CNTRL: variants seen among roughly 807,000 people sequenced by gnomAD.
The protein encoded by CNTRL is centriolin.
A neutral mutation model predicts 303.7 loss-of-function variants in CNTRL; 233 were observed. The observed-to-expected ratio is 0.77, with a 90% confidence interval of 0.69 to 0.86. The LOEUF is 0.86. Ranked by LOEUF, CNTRL falls within the 40% of genes least tolerant of loss-of-function variation. CNTRL has a pLI of 0.00. For synonymous variants in CNTRL, 900 were observed against 922.2 expected, an observed-to-expected ratio of 0.98 and a Z score of 0.44; for missense variants, 2,524 against 2,650.6, an observed-to-expected ratio of 0.95 and a Z score of 1.05.
intron 7 of CNTRL, among the ~76,000 whole-genome samples, chr9:121,106,460 T>A (rs2049478928): frequency 6.6e-6 from 1 of 150,562 alleles, no homozygotes; most frequent in South Asian, 2.1e-4. Flanking sequence ...TTGGTAGGAG[T>A]GACACTTTCT....
intron 16 of CNTRL, among the ~76,000 whole-genome samples, chr9:121,139,600 TCC>T (rs2051391900): frequency 6.6e-6 from 1 of 152,246 alleles, no homozygotes; most frequent in Admixed American, 6.5e-5. Context: ...ATACATGTTT[TCC>T]ATTACTATGT....
Position 121,145,962 on chromosome 9 carries a change from C to T in CNTRL, c.3311-146C>T, listed in dbSNP as rs2051826188. On this transcript the variant is annotated intron_variant, in intron 22 of 43. Transcript: ENST00000373855. ...TAAATAATGTTTACAAATCAGTTTG[C>T]CTTTTTTTGACTTACCAAAGGGCAG... 4.8e-6 allele frequency: 3 copies of T among 630,370 alleles called. No homozygotes were observed. In the South Asian group the frequency reaches 7.5e-5, roughly 16 times the overall value. 39.0% of individuals were successfully genotyped at this position (630,370 alleles called of 1,614,324 possible).
rs768193541 is a variant in CNTRL, at chr9:121,140,646, C to T, written c.2343C>T (p.Asp781=). The T allele has an allele frequency of 6.2e-7, 1 of 1,608,560 alleles. No individual in the cohort carries two copies. The highest frequency in any genetic ancestry group is 8.5e-7 in the Non-Finnish European group (1 of 1,176,756). The change falls in exon 17 of 44, where the codon GAC becomes GAT. Residue 781 remains aspartate (D), a synonymous_variant. Transcript: ENST00000373855. ...TATTTCATCCCCCTCCATAGGATGA[C>T]AATAATCTGTTAAAACAGCAACTTA... ...LHAKLKHLQD[D]NNLLKQQLKD...
chr9:121,116,880 G>A (rs1236507157), intron 11 of CNTRL, among the ~76,000 whole-genome samples: 1 of 152,178 alleles, frequency 6.6e-6, no homozygotes, highest in Non-Finnish European at 1.5e-5. Flanking sequence ...AGGACTTAAT[G>A]ATGGGTTGAA....
At position 121,090,293 on chromosome 9, in the gene CNTRL, G is replaced by T. The variant is rs779390776; in HGVS notation, c.236G>T (p.Gly79Val). ...QDHKGADSHA[G>V]VRYITEALIK... is the part of the protein sequence containing the mutation. Reference sequence around the variant, plus strand: ...ATTTCAGGAGCTGATTCACATGCAGGAGTTAGATATATTACAGAGGCCCTC... The same window carrying T: ...ATTTCAGGAGCTGATTCACATGCAGTAGTTAGATATATTACAGAGGCCCTC... Residue 79 changes from glycine to valine, a missense_variant, in exon 4 of 44, where the codon GGA becomes GTA. Coordinates refer to ENST00000373855, the MANE Select transcript of CNTRL (RefSeq NM_007018.6). The T allele has an allele frequency of 6.2e-7, 1 of 1,606,142 alleles. No homozygotes were observed. Among genetic ancestry groups the T allele is most frequent in the Non-Finnish European group, 8.5e-7 (1 of 1,176,872 alleles).
chr9:121,085,528 A>G (rs2048311694), intron 2 of CNTRL, among the ~76,000 whole-genome samples: 1 of 152,200 alleles, frequency 6.6e-6, no homozygotes, highest in Non-Finnish European at 1.5e-5. Flanking sequence ...TTCATGACCT[A>G]GACACCATGG....
intron 34 of CNTRL, 132 bp downstream of exon 34, chr9:121,162,403 C>T: frequency 2.7e-6 from 2 of 738,778 alleles, no homozygotes; most frequent in South Asian, 1.7e-5. Context: ...ATACATTTTG[C>T]CAGTTGCATT....
At chr9:121,127,819 G>A (rs921257769) in intron 14 of CNTRL, among the ~76,000 whole-genome samples, 5 of 108,488 alleles carry the variant, frequency 4.6e-5, no homozygotes, top group East Asian at 2.6e-4. Context: ...GACAGGCCCC[G>A]GTGTGTGATG....
rs3761851 is a variant in CNTRL at position 121,140,429 on chromosome 9, A to G, written c.2338-212A>G. Among the ~76,000 whole-genome samples the G allele has an allele frequency of 4.5e-4, 69 of 152,370 alleles. No individual in the cohort carries two copies. In the East Asian group the frequency reaches 0.012, roughly 27 times the overall value. ...CCAGATGGAACAGGCACTTGAAAAC[A>G]TGTTAATTGCATTCTAAATTCTTCA... On this transcript the variant is annotated intron_variant, in intron 16 of 43. Transcript: ENST00000373855.
At chr9:121,124,322 A>G (rs1449703893) in intron 13 of CNTRL, among the ~76,000 whole-genome samples, 1 of 152,230 alleles carries the variant, frequency 6.6e-6, no homozygotes, top group Non-Finnish European at 1.5e-5. Flanking sequence ...TCAGTAGGCC[A>G]GAAGTCAATA....
chr9:121,128,481 T>C (rs1382494803), intron 14 of CNTRL, among the ~76,000 whole-genome samples: 1 of 152,226 alleles, frequency 6.6e-6, no homozygotes, highest in African/African-American at 2.4e-5. Flanking sequence ...TGCCCCCTTT[T>C]TGATGGGGTT....
At chr9:121,134,769 T>C (rs925620495) in intron 14 of CNTRL, among the ~76,000 whole-genome samples, 8 of 152,236 alleles carry the variant, frequency 5.3e-5, no homozygotes, top group African/African-American at 1.9e-4. Flanking sequence ...CTATGTTCTA[T>C]GTAAAATAGT....
intron 25 of CNTRL, among the ~76,000 whole-genome samples, chr9:121,151,884 T>G (rs1441896281): frequency 2.0e-5 from 3 of 152,242 alleles, no homozygotes; most frequent in African/African-American, 7.2e-5. Flanking sequence ...TGTGTGCATT[T>G]ACAAGTTTAA....
At chr9:121,092,427 T>TATAGATAG (rs149719205) in intron 4 of CNTRL, among the ~76,000 whole-genome samples, 5 of 33,484 alleles carry the variant, frequency 1.5e-4, no homozygotes, top group East Asian at 1.1e-3. Context: ...CAGAGTGAGA[T>TATAGATAG]ATAGATAGAT....
Position 121,150,203 on chromosome 9 carries a change from G to A in CNTRL, c.3683G>A (p.Ser1228Asn). Residue 1228 changes from serine (S) to asparagine (N), a missense_variant, in exon 25 of 44, where the codon AGT becomes AAT. Ser to Asn is a conservative substitution (Grantham distance 46). Transcript: ENST00000373855. ...AGTGGAGGAGATAGTCAGGAAGAGA[G>A]TGAGCTGGATGACCAAGAAGAACCC... The part of the protein sequence containing the change: ...ADSGGDSQEE[S>N]ELDDQEEPPF... The A allele has an allele frequency of 6.2e-7, 1 of 1,613,762 alleles. No homozygotes were observed. Among genetic ancestry groups the A allele is most frequent in the East Asian group, 2.2e-5 (1 of 44,866 alleles).
intron 14 of CNTRL, among the ~76,000 whole-genome samples, chr9:121,134,665 C>G (rs181875723): frequency 6.6e-6 from 1 of 152,184 alleles, no homozygotes; most frequent in East Asian, 1.9e-4. Context: ...TGTGTGTGCA[C>G]ATGCGTGTGT....
At chr9:121,162,304 A>G (rs1239505551) in intron 34 of CNTRL, 33 bp downstream of exon 34, 3 of 1,564,754 alleles carry the variant, frequency 1.9e-6, no homozygotes, top group African/African-American at 2.7e-5. Flanking sequence ...TTGCAGGATC[A>G]CTTCTTCAGG....
intron 9 of CNTRL, 44 bp downstream of exon 9, chr9:121,112,622 A>G (rs1344020221): frequency 2.5e-6 from 4 of 1,587,312 alleles, no homozygotes; most frequent in Admixed American, 3.3e-5. Flanking sequence ...TAAAGCCCAC[A>G]TGGGATGGAA....
intron 14 of CNTRL, among the ~76,000 whole-genome samples, chr9:121,132,852 A>G (rs2050946171): frequency 6.6e-6 from 1 of 152,108 alleles, no homozygotes; most frequent in Non-Finnish European, 1.5e-5. Flanking sequence ...TGTTAAGGCT[A>G]TTCCTTTCTG....
Sources: gnomAD v4.1 joint callset for allele counts (sites outside exome capture counted in the v4.1 genomes callset) on GRCh38, gnomAD v4.1.1 for gene constraint, MANE v1.5 for transcripts, NCBI Gene and HGNC (gene_info 2026-07-23, HGNC 2026-07-21) for gene names.